The following GPC6 variants were observed in gnomAD, a reference collection of about 807,000 sequenced individuals.
GPC6 encodes the protein glypican 6.
Under a neutral mutation model 55.2 loss-of-function variants are expected in GPC6, and 14 were observed. The observed-to-expected ratio is 0.25, with a 90% CI of 0.17 to 0.40. The LOEUF (loss-of-function observed/expected upper bound fraction) is 0.40, where lower values mean the gene tolerates loss of function less well. Ranked by LOEUF, GPC6 falls within the 10% of genes least tolerant of loss-of-function variation. The pLI, the probability that GPC6 is intolerant of heterozygous loss-of-function variation, is 1.00. For missense variants in GPC6, 641 were observed against 708.5 expected (o/e 0.90, Z 1.08); for synonymous variants, 278 against 259.6 (o/e 1.07, Z -0.68).
chr13:94,301,944 G>GA (rs1435695683), intron 5 of GPC6, among the ~76,000 whole-genome samples: 1 of 152,034 alleles, frequency 6.6e-6, no homozygotes, highest in African/African-American at 2.4e-5. Context: ...AGCCACTGAG[G>GA]AAAAGGCTAA....
At chr13:93,676,129 ATATATATATATAT>A (rs1881606291) in intron 2 of GPC6, among the ~76,000 whole-genome samples, 18 of 7,242 alleles carry the variant, frequency 2.5e-3, no homozygotes, top group African/African-American at 3.3e-3. Context: ...AAAAAAAAAT[ATATATATATATAT>A]ATATATATAT....
At chr13:93,231,387 A>ATATATG (rs1876036282) in intron 1 of GPC6, among the ~76,000 whole-genome samples, 2 of 22,982 alleles carry the variant, frequency 8.7e-5, no homozygotes, top group East Asian at 1.4e-3. Flanking sequence ...ATACATATAT[A>ATATATG]TATATATATG....
At chr13:94,066,592 G>C (rs1018724854) in intron 4 of GPC6, among the ~76,000 whole-genome samples, 1 of 152,096 alleles carries the variant, frequency 6.6e-6, no homozygotes, top group Non-Finnish European at 1.5e-5. Flanking sequence ...TAAAGATAAC[G>C]TTGTCCTCAC....
chr13:94,324,321 A>AC (rs994664583), intron 6 of GPC6, among the ~76,000 whole-genome samples: 1 of 151,940 alleles, frequency 6.6e-6, no homozygotes, highest in African/African-American at 2.4e-5. Flanking sequence ...TAAAAAAAAA[A>AC]AAAAAAAAAC....
chr13:94,282,126 G>A (rs573286790), intron 4 of GPC6, among the ~76,000 whole-genome samples: 17 of 152,170 alleles, frequency 1.1e-4, no homozygotes, highest in African/African-American at 2.4e-4. Context: ...AATAATAATC[G>A]TACTATTATA....
chr13:94,185,879 T>A (rs1451724698), intron 4 of GPC6, among the ~76,000 whole-genome samples: 2 of 151,700 alleles, frequency 1.3e-5, no homozygotes, highest in Admixed American at 1.3e-4. Flanking sequence ...GCTAACACGG[T>A]GAAACCCTGT....
At chr13:93,284,683 C>A (rs1241793064) in intron 1 of GPC6, among the ~76,000 whole-genome samples, 2 of 152,118 alleles carry the variant, frequency 1.3e-5, no homozygotes, top group Admixed American at 6.6e-5. Flanking sequence ...TACCATATAA[C>A]AAAGACATTC....
rs1876974979 is a variant in GPC6, at chr13:93,911,433, TG to T, written c.711+80889del. 2.6e-5 allele frequency among the ~76,000 whole-genome samples: 4 copies of T among 152,090 alleles called. No homozygotes were observed. In the South Asian group the frequency reaches 8.3e-4, roughly 32 times the overall value. ...GTGTGTGTGTGTGTGTGTGTGTGTG[TG>T]TGTATTTCCTTAAATCTTTTTCCTT... On this transcript the variant is annotated intron_variant, in intron 3 of 8. Transcript: ENST00000377047.
chr13:93,407,597 T>C lies in GPC6; in HGVS notation c.161-137666T>C, dbSNP rs551859284. 5.9e-5 allele frequency among the ~76,000 whole-genome samples: 9 copies of C among 152,284 alleles called. 1 individual carries two copies. The South Asian group carries it at 1.9e-3, about 32-fold the overall frequency. On this transcript the variant is annotated intron_variant, in intron 1 of 8. Transcript: ENST00000377047. Reference sequence around the variant, plus strand: ...TCAAGTACAGGCAGTTGTTTGAATATGGTAATTGATAGAAAAGTTGACCAA... The same window carrying C: ...TCAAGTACAGGCAGTTGTTTGAATACGGTAATTGATAGAAAAGTTGACCAA...
rs576020741 is a variant in GPC6, at chr13:94,072,456, C to T, written c.877+44562C>T. Among the ~76,000 whole-genome samples, 9 of 152,238 alleles carry T rather than the reference C, an allele frequency of 5.9e-5. No individual in the cohort carries two copies. The East Asian group carries it at 1.6e-3, about 26-fold the overall frequency. On this transcript the variant is annotated intron_variant, in intron 4 of 8. Transcript: ENST00000377047. ...TGAGCCTCTGCCTCCCGGGTTCAAG[C>T]AATTCTTCTGCGTCAGCCTGCCAAG...
intron 2 of GPC6, among the ~76,000 whole-genome samples, chr13:93,750,455 A>G (rs1884538614): frequency 6.6e-6 from 1 of 152,186 alleles, no homozygotes; most frequent in Non-Finnish European, 1.5e-5. Context: ...CCCTAAGACT[A>G]ACTTCTTCAG....
At chr13:94,185,168 T>C (rs1889128316) in intron 4 of GPC6, among the ~76,000 whole-genome samples, 1 of 148,500 alleles carries the variant, frequency 6.7e-6, no homozygotes, top group African/African-American at 2.5e-5. Flanking sequence ...GGGGATAGGG[T>C]CAAAAAACTA....
chr13:93,476,925 A>G (rs1182725669), intron 1 of GPC6, among the ~76,000 whole-genome samples: 1 of 152,186 alleles, frequency 6.6e-6, no homozygotes, highest in Non-Finnish European at 1.5e-5. Context: ...TTTAGAATTT[A>G]AACATTTTCC....
chr13:94,347,739 G>A (rs1037204245), intron 6 of GPC6, among the ~76,000 whole-genome samples: 1 of 152,194 alleles, frequency 6.6e-6, no homozygotes, highest in Non-Finnish European at 1.5e-5. Flanking sequence ...AAACATAAAT[G>A]TAGAGATTTG....
At chr13:93,829,240 A>T (rs1442513887) in intron 2 of GPC6, among the ~76,000 whole-genome samples, 3 of 152,168 alleles carry the variant, frequency 2.0e-5, no homozygotes, top group Non-Finnish European at 1.5e-5. Flanking sequence ...AACTTGCTCT[A>T]CCCAAGCTTA....
intron 1 of GPC6, among the ~76,000 whole-genome samples, chr13:93,503,745 A>C (rs2139374667): frequency 6.6e-6 from 1 of 152,298 alleles, no homozygotes; most frequent in South Asian, 2.1e-4. Context: ...CATTGACGGA[A>C]GCTGTCATCT....
intron 2 of GPC6, among the ~76,000 whole-genome samples, chr13:93,614,157 C>G (rs146509929): frequency 0.02 from 3,110 of 152,272 alleles, 81 homozygotes; most frequent in Admixed American, 0.074. Flanking sequence ...TCACTATTCT[C>G]TACTACCATG....
chr13:94,136,183 C>A, intron 4 of GPC6, among the ~76,000 whole-genome samples: 1 of 141,954 alleles, frequency 7.0e-6, no homozygotes, highest in East Asian at 2.0e-4. Flanking sequence ...ATAAGTTTAG[C>A]ATCTTTTTTT....
At chr13:93,625,173 C>T (rs1011216716) in intron 2 of GPC6, among the ~76,000 whole-genome samples, 1 of 152,062 alleles carries the variant, frequency 6.6e-6, no homozygotes, top group African/African-American at 2.4e-5. Flanking sequence ...TGAGTTTATA[C>T]AATGAGGATG....
Sources: gnomAD v4.1 joint callset for allele counts (sites outside exome capture counted in the v4.1 genomes callset) on GRCh38, gnomAD v4.1.1 for gene constraint, MANE v1.5 for transcripts, NCBI Gene and HGNC (gene_info 2026-07-23, HGNC 2026-07-21) for gene names.